The following WNT5A variants were observed in gnomAD, a reference collection of about 807,000 sequenced individuals.
WNT5A encodes Wnt family member 5A.
In WNT5A, 9 loss-of-function variants were observed where a neutral mutation model predicts 42.1. The observed-to-expected ratio is 0.21, with a 90% CI of 0.13 to 0.37. The LOEUF (loss-of-function observed/expected upper bound fraction) is 0.37. WNT5A is among the 10% of genes least tolerant of loss of function. WNT5A has a pLI of 1.00. For synonymous variants in WNT5A, 210 were observed against 210.0 expected (o/e 1.00, Z 0.00); for missense variants, 426 against 534.0 (o/e 0.80, Z 1.99).
rs886058747 is a variant in WNT5A at position 55,487,135 on chromosome 3, G to A, written c.-150C>T. 1.8e-5 allele frequency: 12 copies of A among 669,576 alleles called. No homozygotes were observed. The highest frequency in any genetic ancestry group is 3.8e-5 in the South Asian group (2 of 52,648). The allele number at this position is 669,576 out of a possible 1,614,324, so 41.5% of individuals were successfully genotyped here. A position where few individuals can be genotyped will look rare whatever the true frequency, so the allele number is the denominator to read the frequency against. On this transcript the variant is annotated 5_prime_UTR_variant, in exon 1 of 5. Transcript: ENST00000264634. ...GCGCGTCCGGCGGGCGCAGTGAACC[G>A]GAGCTGAAGCGGGCACTGGCGCCCG...
intron 1 of WNT5A, among the ~76,000 whole-genome samples, chr3:55,481,983 G>A (rs1054975941): frequency 1.3e-5 from 2 of 152,266 alleles, no homozygotes; most frequent in African/African-American, 4.8e-5. Flanking sequence ...CCTGATCTGG[G>A]GTTGTGGGCC....
In WNT5A at chr3:55,468,307, T is replaced by C. The variant is rs973351654; in HGVS notation, c.*1785A>G. On this transcript the variant is annotated 3_prime_UTR_variant, in exon 5 of 5. Transcript: ENST00000264634. ...AGTTTTGAATATCTCTTAACGTCCA[T>C]GTCTATAACGAACAAGTAATGCCCT... 6.6e-6 allele frequency: 1 copy of C among 152,184 alleles called. No individual in the cohort carries two copies. The highest frequency in any genetic ancestry group is 2.4e-5 in the African/African-American group (1 of 41,438). 9.4% of individuals were successfully genotyped at this position (152,184 alleles called of 1,614,324 possible). A position where few individuals can be genotyped will look rare whatever the true frequency, so the allele number is the denominator to read the frequency against.
intron 4 of WNT5A, 127 bp downstream of exon 4, chr3:55,474,210 T>C: frequency 8.6e-7 from 1 of 1,167,934 alleles, no homozygotes; most frequent in African/African-American, 1.5e-5. Context: ...AGCAGAGAGA[T>C]AGAGACAGGA....
chr3:55,478,039 C>T lies in WNT5A; in HGVS notation c.391+1275G>A, dbSNP rs112279941. Reference sequence around the variant, plus strand: ...AATCTACCACACTCCCAGTTAACTACATAAGACAGCCCACAGTCAGGGAAA... The same window carrying T: ...AATCTACCACACTCCCAGTTAACTATATAAGACAGCCCACAGTCAGGGAAA... On this transcript the variant is annotated intron_variant, in intron 3 of 4. Coordinates refer to ENST00000264634, the MANE Select transcript of WNT5A (RefSeq NM_003392.7). Among the ~76,000 whole-genome samples the T allele has an allele frequency of 5.1e-3, 770 of 152,338 alleles. 3 individuals are homozygous for T. Among genetic ancestry groups the T allele is most frequent in the Non-Finnish European group, 8.7e-3 (594 of 68,034 alleles).
At chr3:55,501,644 T>C in the WNT5A span, 1 of 152,240 alleles carries the variant, frequency 6.6e-6, no homozygotes, top group African/African-American at 2.4e-5. Context: ...TTTACTCTTT[T>C]CATCTGTGTA....
At position 55,474,410 on chromosome 3, in the gene WNT5A, C is replaced by G. The variant is rs866738848; in HGVS notation, c.611G>C (p.Arg204Pro). 6.2e-7 allele frequency: 1 copy of G among 1,611,820 alleles called. No homozygotes were observed. The highest frequency in any genetic ancestry group is 8.5e-7 in the Non-Finnish European group (1 of 1,179,560). Residue 204 changes from arginine (R) to proline (P), a missense_variant, in exon 4 of 5, where the codon CGC becomes CCC. Around this residue, in one of 3 missense-constraint regions of WNT5A, gnomAD observed 358 missense variants for 468.1 expected, o/e 0.76. Coordinates refer to ENST00000264634, the MANE Select transcript of WNT5A (RefSeq NM_003392.7). ...KEFVDARERE[R>P]IHAKGSYESA... ...CTCGTAGGAGCCCTTGGCGTGGATGCGCTCCCGCTCGCGGGCGTCCACGAA... is the reference window on the plus strand; with the variant it reads ...CTCGTAGGAGCCCTTGGCGTGGATGGGCTCCCGCTCGCGGGCGTCCACGAA...
upstream of WNT5A, among the ~76,000 whole-genome samples, chr3:55,493,416 G>A (rs1264694291): frequency 1.3e-5 from 2 of 152,162 alleles, no homozygotes. Flanking sequence ...GTACACATCA[G>A]TCTCAAAGAA....
At chr3:55,478,110 T>C (rs2051390800) in intron 3 of WNT5A, among the ~76,000 whole-genome samples, 1 of 152,184 alleles carries the variant, frequency 6.6e-6, no homozygotes, top group Non-Finnish European at 1.5e-5. Flanking sequence ...GATCCCAGTA[T>C]ATACATTAGC....
chr3:55,498,677 T>C, the WNT5A span, among the ~76,000 whole-genome samples: 1 of 152,088 alleles, frequency 6.6e-6, no homozygotes, highest in Admixed American at 6.5e-5. Flanking sequence ...TGGGGCTAGC[T>C]CCACCCCCTG....
At chr3:55,479,987 G>T (rs1331035763) in intron 2 of WNT5A, among the ~76,000 whole-genome samples, 1 of 152,092 alleles carries the variant, frequency 6.6e-6, no homozygotes, top group Non-Finnish European at 1.5e-5. Flanking sequence ...TTAGATACGG[G>T]TAGGAGATAG....
upstream of WNT5A, among the ~76,000 whole-genome samples, chr3:55,488,556 A>AT (rs1488118587): frequency 1.3e-5 from 2 of 152,076 alleles, no homozygotes; most frequent in Non-Finnish European, 2.9e-5. Flanking sequence ...AGGCCGGCCT[A>AT]TGACAAACTC....
chr3:55,499,182 A>G, the WNT5A span, among the ~76,000 whole-genome samples: 1 of 152,244 alleles, frequency 6.6e-6, no homozygotes, highest in African/African-American at 2.4e-5. Flanking sequence ...TGGGATTTGG[A>G]TAGCCTCACA....
rs1170323558 is a variant in WNT5A, at chr3:55,470,017, C to T, written c.*75G>A. 1.3e-6 allele frequency: 2 copies of T among 1,585,374 alleles called. No individual in the cohort carries two copies. Among genetic ancestry groups the T allele is most frequent in the African/African-American group, 2.7e-5 (2 of 74,024 alleles). ...GAAAAATAAAAAATATTTCTAAAAA[C>T]CAAAAACCAGAATCACTGTACTTTC... is the stretch of plus-strand genomic sequence containing the variant. On this transcript the variant is annotated 3_prime_UTR_variant, in exon 5 of 5. Coordinates refer to ENST00000264634, the MANE Select transcript of WNT5A (RefSeq NM_003392.7).
intron 1 of WNT5A, among the ~76,000 whole-genome samples, chr3:55,484,769 T>A (rs1168411036): frequency 6.6e-6 from 1 of 151,782 alleles, no homozygotes; most frequent in Admixed American, 6.6e-5. Context: ...TCTAGCCCTC[T>A]CGGCAGAGGA....
At chr3:55,495,732 C>A in the WNT5A span, among the ~76,000 whole-genome samples, 4 of 152,276 alleles carry the variant, frequency 2.6e-5, no homozygotes, top group South Asian at 8.3e-4. Flanking sequence ...CTGGATCATA[C>A]GGTAGTTTTT....
At chr3:55,474,301 C>CAG (rs1553677781) in intron 4 of WNT5A, 36 bp downstream of exon 4, 1 of 1,610,856 alleles carries the variant, frequency 6.2e-7, no homozygotes, top group Non-Finnish European at 8.5e-7. Context: ...GGTGAGAAGA[C>CAG]AGAGATGCGG....
chr3:55,470,641 G>C (rs2051233028), intron 4 of WNT5A, 91 bp from the exon 5 acceptor site: 3 of 1,209,370 alleles, frequency 2.5e-6, no homozygotes, highest in Admixed American at 2.9e-5. Context: ...CTTCTCCATG[G>C]AGCTATGTTC....
upstream of WNT5A, among the ~76,000 whole-genome samples, chr3:55,488,671 A>C (rs2051620639): frequency 6.6e-6 from 1 of 151,946 alleles, no homozygotes; most frequent in African/African-American, 2.4e-5. Flanking sequence ...CATCTGCTGA[A>C]AGAGAGAGGT....
chr3:55,499,282 G>A, the WNT5A span, among the ~76,000 whole-genome samples: 1 of 152,308 alleles, frequency 6.6e-6, no homozygotes, highest in East Asian at 1.9e-4. Flanking sequence ...ATGAATTAAT[G>A]GTGCAGAGTG....
Sources: gnomAD v4.1 joint callset for allele counts (sites outside exome capture counted in the v4.1 genomes callset) on GRCh38, gnomAD v4.1.1 for gene constraint, gnomAD v4.1.1 regional missense constraint, MANE v1.5 for transcripts, NCBI Gene and HGNC (gene_info 2026-07-23, HGNC 2026-07-21) for gene names.